Variants in DNAH11 observed in about 807,000 individuals in gnomAD.
The protein encoded by DNAH11 is dynein axonemal heavy chain 11.
Under a neutral mutation model 526.0 loss-of-function variants are expected in DNAH11, and 442 were observed. The ratio of observed to expected loss-of-function variants is 0.84; its 90% CI spans 0.78 to 0.91. DNAH11 has a LOEUF of 0.91. Ranked by LOEUF, DNAH11 falls within the 40% of genes least tolerant of loss-of-function variation. The pLI, the probability that DNAH11 is intolerant of heterozygous loss-of-function variation, is 0.00. For missense variants in DNAH11, 6,989 were observed against 5,448.7 expected (o/e 1.28, Z -8.90); for synonymous variants, 2,461 against 1,935.9 (o/e 1.27, Z -7.12).
At chr7:21,590,295 T>C (rs1042852712) in intron 12 of DNAH11, among the ~76,000 whole-genome samples, 4 of 152,226 alleles carry the variant, frequency 2.6e-5, no homozygotes, top group African/African-American at 9.6e-5. Context: ...TTGCTAGATA[T>C]GAGACATAAA....
chr7:21,699,280 G>A (rs1003312819), intron 36 of DNAH11, among the ~76,000 whole-genome samples: 3 of 152,006 alleles, frequency 2.0e-5, no homozygotes, highest in African/African-American at 7.2e-5. Context: ...TCTCTAAAAT[G>A]GGTCAGATTT....
chr7:21,655,847 G>C lies in DNAH11; in HGVS notation c.4960G>C (p.Ala1654Pro). 6.2e-7 allele frequency: 1 copy of C among 1,612,868 alleles called. No individual in the cohort carries two copies. Among genetic ancestry groups the C allele is most frequent in the Non-Finnish European group, 8.5e-7 (1 of 1,179,330 alleles). Reference protein sequence around the residue: ...AQPKQVTCHLAKLFDSIADLQ... With the variant: ...AQPKQVTCHLPKLFDSIADLQ... ...CTCATTTTAGGTAACATGTCACCTT[G>C]CCAAACTTTTCGACAGCATTGCAGA... Residue 1654 changes from alanine (A) to proline (P), a missense_variant, in exon 29 of 82, where the codon GCC becomes CCC. Transcript: ENST00000409508.
intron 3 of DNAH11, 130 bp from the exon 4 acceptor site, chr7:21,559,473 A>G (rs929568749): frequency 5.1e-6 from 4 of 783,344 alleles, no homozygotes; most frequent in South Asian, 2.0e-5. Context: ...TCAAGACCAT[A>G]AAAATAATGG....
chr7:21,617,908 T>C, intron 23 of DNAH11, 131 bp downstream of exon 23: 5 of 1,029,978 alleles, frequency 4.9e-6, no homozygotes, highest in Non-Finnish European at 6.7e-6. Context: ...TGCTGTGTTA[T>C]GCCTTTTTGC....
intron 26 of DNAH11, 74 bp downstream of exon 26, chr7:21,636,169 T>C (rs571234131): frequency 3.9e-6 from 5 of 1,279,970 alleles, no homozygotes; most frequent in African/African-American, 1.5e-5. Flanking sequence ...ATCGTATTTA[T>C]AAAAATGAAT....
chr7:21,842,868 G>C lies in DNAH11; in HGVS notation c.10896+120G>C. 10 of 845,054 alleles carry C rather than the reference G, an allele frequency of 1.2e-5. No individual in the cohort carries two copies. In the South Asian group the frequency reaches 2.1e-4, roughly 18 times the overall value. The allele number at this position is 845,054 out of a possible 1,614,324, so 52.3% of individuals were successfully genotyped here. ...CTCTAGAATCCTGCAACCTAATTGG[G>C]AAAAATAAGTATACATGTTAAAAGT... On this transcript the variant is annotated intron_variant, in intron 66 of 81. Transcript: ENST00000409508.
intron 25 of DNAH11, among the ~76,000 whole-genome samples, chr7:21,623,194 A>G (rs373032999): frequency 2.0e-5 from 3 of 152,306 alleles, no homozygotes; most frequent in African/African-American, 7.2e-5. Context: ...CATTTATGCA[A>G]CCAAAAAACA....
chr7:21,710,921 C>G (rs908705097), intron 41 of DNAH11, among the ~76,000 whole-genome samples: 1 of 152,200 alleles, frequency 6.6e-6, no homozygotes, highest in African/African-American at 2.4e-5. Flanking sequence ...ATTCAGCCAC[C>G]TTTACTGAGA....
chr7:21,733,691 C>T (rs1254999052), intron 45 of DNAH11, among the ~76,000 whole-genome samples: 2 of 152,170 alleles, frequency 1.3e-5, no homozygotes, highest in Non-Finnish European at 2.9e-5. Flanking sequence ...TAATTAACAG[C>T]ATCTTAATAT....
At chr7:21,798,221 G>T (rs968785637) in intron 61 of DNAH11, among the ~76,000 whole-genome samples, 5 of 152,126 alleles carry the variant, frequency 3.3e-5, no homozygotes, top group African/African-American at 9.7e-5. Context: ...TCAGCCTCCT[G>T]GGTAGCTGGA....
intron 18 of DNAH11, among the ~76,000 whole-genome samples, chr7:21,602,348 T>C (rs1433785568): frequency 5.3e-5 from 8 of 152,008 alleles, no homozygotes; most frequent in Non-Finnish European, 1.2e-4. Flanking sequence ...AAAATAATAA[T>C]AATACTAATA....
At chr7:21,733,017 G>A (rs1785445731) in intron 45 of DNAH11, among the ~76,000 whole-genome samples, 1 of 152,200 alleles carries the variant, frequency 6.6e-6, no homozygotes, top group Admixed American at 6.5e-5. Flanking sequence ...GAGCCAGGCA[G>A]AGCTTCCCGT....
intron 44 of DNAH11, among the ~76,000 whole-genome samples, chr7:21,725,117 G>T (rs548647459): frequency 6.6e-6 from 1 of 152,214 alleles, no homozygotes; most frequent in African/African-American, 2.4e-5. Flanking sequence ...GCACCTCCCA[G>T]TAAAGAGAGC....
intron 74 of DNAH11, among the ~76,000 whole-genome samples, chr7:21,877,805 G>A (rs1783774919): frequency 1.4e-5 from 2 of 147,086 alleles, no homozygotes; most frequent in Non-Finnish European, 3.0e-5. Flanking sequence ...AACCCGGGAG[G>A]CAGAGGTTGC....
intron 8 of DNAH11, among the ~76,000 whole-genome samples, chr7:21,579,809 T>C (rs752852613): frequency 2.0e-4 from 30 of 152,136 alleles, no homozygotes; most frequent in Non-Finnish European, 4.3e-4. Context: ...AGTCAGCCAT[T>C]GGAGGATGAA....
chr7:21,839,360 G>A (rs1306032886), intron 65 of DNAH11, among the ~76,000 whole-genome samples: 1 of 152,064 alleles, frequency 6.6e-6, no homozygotes, highest in East Asian at 1.9e-4. Flanking sequence ...AAATCACGAG[G>A]TCAGGAGTTT....
intron 76 of DNAH11, among the ~76,000 whole-genome samples, chr7:21,888,909 T>C (rs6461614): frequency 0.54 from 81,729 of 151,838 alleles, 22,365 homozygotes; most frequent in South Asian, 0.55. Context: ...ATTTGCACAC[T>C]GTAACATTTA....
chr7:21,789,488 A>G (rs1788340982), intron 61 of DNAH11, 146 bp downstream of exon 61: 1 of 555,718 alleles, frequency 1.8e-6, no homozygotes, highest in African/African-American at 1.9e-5. Flanking sequence ...CTTATATACC[A>G]TTCAGTAGGT....
intron 74 of DNAH11, among the ~76,000 whole-genome samples, chr7:21,877,768 G>T (rs997385649): frequency 6.6e-6 from 1 of 151,520 alleles, no homozygotes; most frequent in East Asian, 2.0e-4. Flanking sequence ...CCAGCTACTC[G>T]GGAGGCTGAG....
Sources: allele counts gnomAD v4.1 joint callset (sites outside exome capture counted in the v4.1 genomes callset), GRCh38; gene constraint gnomAD v4.1.1; transcripts MANE v1.5; gene names NCBI Gene and HGNC (gene_info 2026-07-23, HGNC 2026-07-21).